The following ENOX1 variants were observed in gnomAD, a reference collection of about 807,000 sequenced individuals.
The protein encoded by ENOX1 is ecto-NOX disulfide-thiol exchanger 1, also known as candidate growth-related and time keeping constitutive hydroquinone (NADH) oxidase.
A neutral mutation model predicts 82.5 loss-of-function variants in ENOX1; 42 were observed. The ratio of observed to expected loss-of-function variants is 0.51; its 90% confidence interval spans 0.40 to 0.66. The LOEUF (loss-of-function observed/expected upper bound fraction) is 0.66. ENOX1 is among the 30% of genes least tolerant of loss of function. The probability of loss-of-function intolerance (pLI) is 0.00; values close to 1 mark genes in which losing one functional copy is unlikely to be tolerated. For missense variants in ENOX1, 608 were observed against 811.6 expected (o/e 0.75, Z 3.05); for synonymous variants, 271 against 282.2 (o/e 0.96, Z 0.40).
chr13:43,569,165 C>T (rs1483624092), intron 2 of ENOX1, among the ~76,000 whole-genome samples: 1 of 152,182 alleles, frequency 6.6e-6, no homozygotes, highest in Non-Finnish European at 1.5e-5. Flanking sequence ...AATAGCCCTT[C>T]CTCACCTCTT....
chr13:43,321,666 G>A (rs752521557), intron 11 of ENOX1, among the ~76,000 whole-genome samples: 24 of 152,086 alleles, frequency 1.6e-4, no homozygotes, highest in Non-Finnish European at 3.2e-4. Context: ...TTCTTTTTTG[G>A]GAATGATGGC....
intron 3 of ENOX1, among the ~76,000 whole-genome samples, chr13:43,480,055 C>T (rs1181675712): frequency 1.3e-5 from 2 of 151,870 alleles, no homozygotes; most frequent in Non-Finnish European, 1.5e-5. Flanking sequence ...CCTGCCATAG[C>T]CTCCTGAAGT....
intron 2 of ENOX1, among the ~76,000 whole-genome samples, chr13:43,602,215 C>T (rs2081755263): frequency 6.6e-6 from 1 of 151,604 alleles, no homozygotes; most frequent in African/African-American, 2.4e-5. Context: ...AAAATACATG[C>T]ACACACACAC....
At chr13:43,628,112 A>C (rs1034641057) in intron 2 of ENOX1, among the ~76,000 whole-genome samples, 5 of 152,056 alleles carry the variant, frequency 3.3e-5, no homozygotes, top group African/African-American at 1.2e-4. Flanking sequence ...GGGTTTCCTC[A>C]GCTTCTTGAA....
At chr13:43,598,786 C>T (rs923697421) in intron 2 of ENOX1, among the ~76,000 whole-genome samples, 2 of 125,010 alleles carry the variant, frequency 1.6e-5, no homozygotes, top group African/African-American at 3.0e-5. Context: ...TTTAAAAACA[C>T]GTTGTTTAGA....
intron 3 of ENOX1, among the ~76,000 whole-genome samples, chr13:43,439,851 T>G (rs1315702513): frequency 6.6e-6 from 1 of 152,214 alleles, no homozygotes; most frequent in Non-Finnish European, 1.5e-5. Context: ...AGCCAGATTT[T>G]TCTGGTGAAA....
intron 3 of ENOX1, among the ~76,000 whole-genome samples, chr13:43,470,868 C>T (rs1738185266): frequency 6.6e-6 from 1 of 152,052 alleles, no homozygotes; most frequent in Admixed American, 6.6e-5. Context: ...AGTCAGACTG[C>T]ACCAAATATG....
At chr13:43,497,988 A>C (rs2076851061) in intron 2 of ENOX1, among the ~76,000 whole-genome samples, 1 of 152,068 alleles carries the variant, frequency 6.6e-6, no homozygotes, top group Admixed American at 6.6e-5. Flanking sequence ...TGTCCATTTC[A>C]TCTAAGATAA....
At chr13:43,264,479 C>T (rs1326938744) in intron 14 of ENOX1, among the ~76,000 whole-genome samples, 1 of 152,186 alleles carries the variant, frequency 6.6e-6, no homozygotes, top group African/African-American at 2.4e-5. Flanking sequence ...TGTTAAATAT[C>T]TGCTGGGTAG....
intron 3 of ENOX1, among the ~76,000 whole-genome samples, chr13:43,456,081 CCTT>C (rs984193282): frequency 1.3e-5 from 2 of 152,028 alleles, no homozygotes; most frequent in African/African-American, 4.8e-5. Context: ...TCCAATACCT[CCTT>C]CTTATTTTCT....
At chr13:43,780,972 A>G (rs1952223947) in intron 1 of ENOX1, among the ~76,000 whole-genome samples, 1 of 152,210 alleles carries the variant, frequency 6.6e-6, no homozygotes, top group Non-Finnish European at 1.5e-5. Flanking sequence ...TCCAGCACCA[A>G]CTAAACAAAG....
rs2054280372 is a variant in ENOX1, at chr13:43,413,716, TA to T, written c.-74-729del. 6.9e-5 allele frequency among the ~76,000 whole-genome samples: 10 copies of T among 144,708 alleles called. No individual in the cohort carries two copies. The South Asian group carries it at 1.9e-3, about 27-fold the overall frequency. The allele number at this position is 144,708 out of a possible 152,430, so 94.9% of individuals were successfully genotyped here. ...ATATATATTTTTATATATTTATATA[TA>T]TTTATATATATATATTTATATATAG... is the stretch of plus-strand genomic sequence containing the variant. On this transcript the variant is annotated intron_variant, in intron 3 of 16. Transcript: ENST00000690772.
chr13:43,582,220 T>C (rs983184818), intron 2 of ENOX1, among the ~76,000 whole-genome samples: 2 of 151,950 alleles, frequency 1.3e-5, no homozygotes, highest in Non-Finnish European at 2.9e-5. Context: ...AAGAAAAAAA[T>C]TAATAACATG....
chr13:43,370,218 T>C (rs1272500776), intron 5 of ENOX1, among the ~76,000 whole-genome samples: 2 of 151,956 alleles, frequency 1.3e-5, no homozygotes, highest in Admixed American at 1.3e-4. Flanking sequence ...GTACAAAAAA[T>C]TAGCTGGGAG....
chr13:43,770,686 TACAC>T (rs149111203), intron 1 of ENOX1, among the ~76,000 whole-genome samples: 10,104 of 146,174 alleles, frequency 0.069, 543 homozygotes, highest in African/African-American at 0.16. Flanking sequence ...TACGTATGTG[TACAC>T]ACACACACAC....
chr13:43,578,846 G>T (rs2080564627), intron 2 of ENOX1, among the ~76,000 whole-genome samples: 1 of 151,906 alleles, frequency 6.6e-6, no homozygotes, highest in African/African-American at 2.4e-5. Context: ...TTCCACCTTT[G>T]ATCTCCTCCC....
intron 5 of ENOX1, among the ~76,000 whole-genome samples, chr13:43,408,474 T>C (rs1479374136): frequency 6.6e-6 from 1 of 152,192 alleles, no homozygotes; most frequent in African/African-American, 2.4e-5. Flanking sequence ...AGAGGATTTC[T>C]TGGAAGGAAG....
intron 2 of ENOX1, among the ~76,000 whole-genome samples, chr13:43,497,022 A>T (rs2076820713): frequency 6.6e-6 from 1 of 152,136 alleles, no homozygotes; most frequent in Non-Finnish European, 1.5e-5. Context: ...AAAAATCTTA[A>T]TATAGAGTCT....
At chr13:43,439,604 T>C (rs2056248655) in intron 3 of ENOX1, among the ~76,000 whole-genome samples, 1 of 152,232 alleles carries the variant, frequency 6.6e-6, no homozygotes, top group Non-Finnish European at 1.5e-5. Context: ...CTCACTCAAA[T>C]TCAATCTTTT....
Sources: gnomAD v4.1 joint callset for allele counts (sites outside exome capture counted in the v4.1 genomes callset) on GRCh38, gnomAD v4.1.1 for gene constraint, MANE v1.5 for transcripts, NCBI Gene and HGNC (gene_info 2026-07-23, HGNC 2026-07-21) for gene names.